NBEAL1: variants seen among roughly 807,000 people sequenced by gnomAD.
NBEAL1 encodes neurobeachin-like protein 1.
In NBEAL1, 273 loss-of-function variants were observed where a neutral mutation model predicts 351.3. That is an observed-to-expected ratio of 0.78 (90% CI 0.70 to 0.86). The LOEUF is 0.86. Ranked by LOEUF, NBEAL1 falls within the 40% of genes least tolerant of loss-of-function variation. NBEAL1 has a pLI of 0.00. For missense variants in NBEAL1, 2,961 were observed against 3,201.3 expected (o/e 0.92, Z 1.81); for synonymous variants, 1,050 against 1,086.4 (o/e 0.97, Z 0.66).
intron 12 of NBEAL1, among the ~76,000 whole-genome samples, chr2:203,105,013 C>T (rs2106223949): frequency 6.6e-6 from 1 of 152,058 alleles, no homozygotes; most frequent in South Asian, 2.1e-4. Context: ...GTGCTTGCCA[C>T]CACGCCTGGC....
chr2:203,081,596 A>C (rs1250380080), intron 8 of NBEAL1, among the ~76,000 whole-genome samples: 2 of 152,248 alleles, frequency 1.3e-5, no homozygotes, highest in African/African-American at 2.4e-5. Flanking sequence ...TTCTAATTAA[A>C]AACAAAGTAA....
rs375999668 is a variant in NBEAL1 at position 203,144,891 on chromosome 2, T to C, written c.5140T>C (p.Tyr1714His). The C allele has an allele frequency of 1.9e-6, 3 of 1,587,332 alleles. No individual in the cohort carries two copies. The highest frequency in any genetic ancestry group is 2.6e-6 in the Non-Finnish European group (3 of 1,170,126). The change falls in exon 32 of 56, where the codon TAC becomes CAC. Residue 1714 changes from tyrosine (Y) to histidine (H), a missense_variant. Coordinates refer to ENST00000683969, the MANE Select transcript of NBEAL1 (RefSeq NM_001378026.1). ...TTGTAATTCAAATGAATGGCAAGTTTACATTGAAAAATATGTAAGTTTTAT... is the reference window on the plus strand; with the variant it reads ...TTGTAATTCAAATGAATGGCAAGTTCACATTGAAAAATATGTAAGTTTTAT... ...EYCNSNEWQV[Y>H]IEKYIVPYMK...
chr2:203,089,084 C>A (rs934188453), intron 10 of NBEAL1, among the ~76,000 whole-genome samples: 1 of 152,112 alleles, frequency 6.6e-6, no homozygotes, highest in Non-Finnish European at 1.5e-5. Context: ...TTAGGCCAGA[C>A]GCGGTGGCTC....
At chr2:203,100,610 G>A (rs547097473) in intron 12 of NBEAL1, among the ~76,000 whole-genome samples, 9 of 148,886 alleles carry the variant, frequency 6.0e-5, no homozygotes, top group African/African-American at 1.7e-4. Flanking sequence ...GCAGTAGCAC[G>A]ATCTCAGCTC....
chr2:203,091,216 A>G (rs974785668), intron 10 of NBEAL1, among the ~76,000 whole-genome samples: 4 of 152,176 alleles, frequency 2.6e-5, no homozygotes, highest in Non-Finnish European at 5.9e-5. Flanking sequence ...GATACCTCAT[A>G]AAGGTGGAAT....
chr2:203,208,836 G>A, intron 52 of NBEAL1, 83 bp downstream of exon 52: 1 of 963,446 alleles, frequency 1.0e-6, no homozygotes, highest in Non-Finnish European at 1.5e-6. Flanking sequence ...TTTTTCAGAG[G>A]AATTGATAAG....
At chr2:203,193,768 T>C (rs778741153) in intron 46 of NBEAL1, 27 bp from the exon 47 acceptor site, 12 of 1,458,930 alleles carry the variant, frequency 8.2e-6, no homozygotes, top group South Asian at 1.2e-5. Context: ...AGATATGGAA[T>C]TGTTTTTCCT....
intron 8 of NBEAL1, among the ~76,000 whole-genome samples, chr2:203,080,112 A>T (rs1452830715): frequency 6.6e-6 from 1 of 152,046 alleles, no homozygotes; most frequent in Non-Finnish European, 1.5e-5. Flanking sequence ...CACCATTCTG[A>T]GTTTAAGAGT....
rs549511734 is a variant in NBEAL1, at chr2:203,209,953, G to A, written c.7785+631G>A. 3.7e-4 allele frequency among the ~76,000 whole-genome samples: 57 copies of A among 152,034 alleles called. 1 individual carries two copies. In the South Asian group the frequency reaches 0.011, roughly 30 times the overall value. On this transcript the variant is annotated intron_variant, in intron 53 of 55. Coordinates refer to ENST00000683969, the MANE Select transcript of NBEAL1 (RefSeq NM_001378026.1). Reference sequence around the variant, plus strand: ...TTTGTTAGAGACGAGGTCTCCCTACGTTGCCTAGGCTGGTCTCAAACCCCT... The same window carrying A: ...TTTGTTAGAGACGAGGTCTCCCTACATTGCCTAGGCTGGTCTCAAACCCCT...
At chr2:203,128,243 C>T (rs1010660497) in intron 24 of NBEAL1, among the ~76,000 whole-genome samples, 1 of 147,492 alleles carries the variant, frequency 6.8e-6, no homozygotes, top group African/African-American at 2.5e-5. Context: ...TGCACCCCCA[C>T]ACTGAGCTAA....
In NBEAL1 at chr2:203,125,490, TG is replaced by T. The variant is rs1559384052; in HGVS notation, c.2823del (p.Trp941CysfsTer14). 6.5e-7 allele frequency: 1 copy of T among 1,527,602 alleles called. No individual in the cohort carries two copies. 94.6% of individuals were successfully genotyped at this position (1,527,602 alleles called of 1,614,324 possible). ...ATCAGTAACACCTGTTGAAGGAGAT[TG>T]GCTCGTATGGACTTCCACAAAGGCC... Reference protein sequence around the residue: ...PESVTPVEGDWLVWTSTKASE... With the variant: ...PESVTPVEGDXLVWTSTKASE... On this transcript the variant is annotated frameshift_variant, in exon 20 of 56. Coordinates refer to ENST00000683969, the MANE Select transcript of NBEAL1 (RefSeq NM_001378026.1). LOFTEE classifies it high-confidence loss of function.
chr2:203,051,214 C>T (rs2061318131), intron 4 of NBEAL1, among the ~76,000 whole-genome samples: 1 of 152,032 alleles, frequency 6.6e-6, no homozygotes, highest in Admixed American at 6.6e-5. Flanking sequence ...TTTCCTCATC[C>T]TTAAAATTTG....
Position 203,145,215 on chromosome 2 carries a change from TATTG to T in NBEAL1, c.5304+59_5304+62del, listed in dbSNP as rs541687276. On this transcript the variant is annotated intron_variant, in intron 33 of 55. Coordinates refer to ENST00000683969, the MANE Select transcript of NBEAL1 (RefSeq NM_001378026.1). ...TTTCTTGTTGATTTTAGGCATTTAA[TATTG>T]ATTAAGAGTAATACAGGCCCCAAAC... The T allele has an allele frequency of 2.3e-4, 347 of 1,521,854 alleles. No homozygotes were observed. The East Asian group carries it at 7.2e-3, about 32-fold the overall frequency. The allele number at this position is 1,521,854 out of a possible 1,614,324, so 94.3% of individuals were successfully genotyped here. A position where few individuals can be genotyped will look rare whatever the true frequency, so the allele number is the denominator to read the frequency against.
At chr2:203,051,481 G>C (rs1047052769) in intron 4 of NBEAL1, among the ~76,000 whole-genome samples, 4 of 151,750 alleles carry the variant, frequency 2.6e-5, no homozygotes, top group African/African-American at 9.7e-5. Flanking sequence ...GGGAGGCGGA[G>C]GTTTCAGTGT....
Position 203,183,376 on chromosome 2 carries a change from T to C in NBEAL1, c.6693T>C (p.His2231=). The change falls in exon 44 of 56, where the codon CAT becomes CAC. Residue 2231 remains histidine (H), a synonymous_variant. Transcript: ENST00000683969. ...CAGCTGAAGATTTCATCTATAAACA[T>C]AGGAAAGCTTTGGTAAGAGTTTTGC... ...AKSAEDFIYK[H]RKALESEYVS... 3.8e-6 allele frequency: 6 copies of C among 1,561,302 alleles called. No homozygotes were observed. The highest frequency in any genetic ancestry group is 5.2e-6 in the Non-Finnish European group (6 of 1,146,780).
At chr2:203,068,034 T>C (rs1362503804) in intron 6 of NBEAL1, among the ~76,000 whole-genome samples, 1 of 152,244 alleles carries the variant, frequency 6.6e-6, no homozygotes, top group African/African-American at 2.4e-5. Context: ...GGATTTCTGA[T>C]AAATTTCAAC....
Position 203,040,635 on chromosome 2 carries a change from C to T in NBEAL1, c.52-1130C>T, listed in dbSNP as rs139621179. 6.0e-4 allele frequency: 402 copies of T among 671,188 alleles called. 2 individuals are homozygous for T. The African/African-American group carries it at 6.3e-3, about 11-fold the overall frequency. The allele number at this position is 671,188 out of a possible 1,614,324, so 41.6% of individuals were successfully genotyped here. On this transcript the variant is annotated intron_variant, in intron 2 of 55. Coordinates refer to ENST00000683969, the MANE Select transcript of NBEAL1 (RefSeq NM_001378026.1). ...CAGACAACACAGTGATTGAGGAGCACCTGGAGAAGTTTGGTGACATTTGCT... is the reference window on the plus strand; with the variant it reads ...CAGACAACACAGTGATTGAGGAGCATCTGGAGAAGTTTGGTGACATTTGCT...
intron 54 of NBEAL1, among the ~76,000 whole-genome samples, 179 bp from the exon 55 acceptor site, chr2:203,213,339 C>A (rs2065839814): frequency 6.6e-6 from 1 of 152,112 alleles, no homozygotes; most frequent in Non-Finnish European, 1.5e-5. Flanking sequence ...AGTATCTTAA[C>A]TAATGCTGTA....
At position 203,107,524 on chromosome 2, in the gene NBEAL1, T is replaced by A; in HGVS notation, c.1368+6T>A. On this transcript the variant is annotated splice_donor_region_variant and intron_variant, in intron 13 of 55. Transcript: ENST00000683969. ...TTAAAGAACTTATGAATATGGTGAG[T>A]TTATAACCTTTATTAAGAGAATTTC... is the stretch of plus-strand genomic sequence containing the variant. The A allele has an allele frequency of 6.5e-7, 1 of 1,543,396 alleles. No individual in the cohort carries two copies.
Sources: gnomAD v4.1 joint callset for allele counts (sites outside exome capture counted in the v4.1 genomes callset) on GRCh38, gnomAD v4.1.1 for gene constraint, MANE v1.5 for transcripts, NCBI Gene and HGNC (gene_info 2026-07-23, HGNC 2026-07-21) for gene names.